ACTL8: variants seen among roughly 807,000 people sequenced by gnomAD.
ACTL8 encodes actin-like protein 8.
A neutral mutation model predicts 9.3 loss-of-function variants in ACTL8; 3 were observed. That is an observed-to-expected ratio of 0.32 (90% confidence interval 0.15 to 0.83). The LOEUF (loss-of-function observed/expected upper bound fraction) is 0.83, where lower values mean the gene tolerates loss of function less well. ACTL8 is among the 40% of genes least tolerant of loss of function. The pLI is 0.57. For synonymous variants in ACTL8, 224 were observed against 205.9 expected (o/e 1.09, Z -0.75); for missense variants, 381 against 492.2 (o/e 0.77, Z 2.14).
intron 1 of ACTL8, among the ~76,000 whole-genome samples, chr1:17,820,810 C>T (rs1250445634): frequency 2.6e-5 from 4 of 152,134 alleles, no homozygotes; most frequent in Non-Finnish European, 1.5e-5. Context: ...CTCCTGACCT[C>T]AGGTGATCTG....
intron 1 of ACTL8, among the ~76,000 whole-genome samples, chr1:17,789,725 ACT>A (rs990291654): frequency 6.6e-6 from 1 of 151,962 alleles, no homozygotes; most frequent in African/African-American, 2.4e-5. Flanking sequence ...TGAGTAATTT[ACT>A]CTAGGTCACA....
intron 1 of ACTL8, among the ~76,000 whole-genome samples, chr1:17,800,692 T>A (rs2066315681): frequency 6.7e-6 from 1 of 149,446 alleles, no homozygotes; most frequent in Non-Finnish European, 1.5e-5. Flanking sequence ...GCACCCGGGT[T>A]CAATCAATTC....
At chr1:17,806,333 T>A (rs894759444) in intron 1 of ACTL8, among the ~76,000 whole-genome samples, 4 of 152,178 alleles carry the variant, frequency 2.6e-5, no homozygotes, top group African/African-American at 9.7e-5. Context: ...AGAAGAGGCA[T>A]AATTAAAACC....
At chr1:17,787,164 A>C (rs980099489) in intron 1 of ACTL8, among the ~76,000 whole-genome samples, 1 of 152,028 alleles carries the variant, frequency 6.6e-6, no homozygotes, top group Non-Finnish European at 1.5e-5. Flanking sequence ...ATACTTTTCC[A>C]TGCTCTTATA....
At chr1:17,771,825 G>A (rs1371964449) in intron 1 of ACTL8, among the ~76,000 whole-genome samples, 1 of 152,174 alleles carries the variant, frequency 6.6e-6, no homozygotes, top group Non-Finnish European at 1.5e-5. Context: ...ACACTGAGGT[G>A]CTGGGGTCAC....
At chr1:17,802,839 G>A (rs1477338506) in intron 1 of ACTL8, among the ~76,000 whole-genome samples, 1 of 152,066 alleles carries the variant, frequency 6.6e-6, no homozygotes, top group African/African-American at 2.4e-5. Flanking sequence ...AGGAAAATTA[G>A]CTGGGCGTGG....
Position 17,825,523 on chromosome 1 carries a change from C to T in ACTL8, c.349-244C>T, listed in dbSNP as rs139959200. Among the ~76,000 whole-genome samples the T allele has an allele frequency of 1.0e-3, 155 of 152,346 alleles. 1 individual carries two copies. The highest frequency in any genetic ancestry group is 3.5e-3 in the African/African-American group (147 of 41,586). On this transcript the variant is annotated intron_variant, in intron 2 of 2. Coordinates refer to ENST00000375406, the MANE Select transcript of ACTL8 (RefSeq NM_030812.3). ...CTTGCAGCCACAGAGCTCTTCTCAC[C>T]TCTTCACCGAAGTGGTCTTCTGAAC...
chr1:17,777,312 G>A (rs957050281), intron 1 of ACTL8, among the ~76,000 whole-genome samples: 3 of 152,100 alleles, frequency 2.0e-5, no homozygotes, highest in Non-Finnish European at 4.4e-5. Flanking sequence ...TCGTAGAAAT[G>A]CTACTTCCTC....
intron 1 of ACTL8, among the ~76,000 whole-genome samples, chr1:17,782,735 A>G (rs2066165773): frequency 6.6e-6 from 1 of 152,216 alleles, no homozygotes; most frequent in Non-Finnish European, 1.5e-5. Context: ...TCTGTAGTGA[A>G]CATCCTTGGA....
intron 1 of ACTL8, among the ~76,000 whole-genome samples, chr1:17,790,981 A>G (rs1030308397): frequency 2.6e-5 from 4 of 151,360 alleles, no homozygotes; most frequent in Non-Finnish European, 5.9e-5. Context: ...TGCTAACAGC[A>G]GGGGGAAGCC....
At position 17,826,236 on chromosome 1, in the gene ACTL8, C is replaced by T. The variant is rs752371892; in HGVS notation, c.818C>T (p.Pro273Leu). ...TTCGAGCAGCCGGGGCCCAGCATCCCACGGGCCATTGTGGAATCCGTGGAG... is the reference window on the plus strand; with the variant it reads ...TTCGAGCAGCCGGGGCCCAGCATCCTACGGGCCATTGTGGAATCCGTGGAG... ...QVFEQPGPSI[P>L]RAIVESVESC... Residue 273 changes from proline (P) to leucine (L), a missense_variant, in exon 3 of 3, where the codon CCA becomes CTA. Around this residue, in one of 3 missense-constraint regions of ACTL8, gnomAD observed 243 missense variants for 276.2 expected, o/e 0.88. Coordinates refer to ENST00000375406, the MANE Select transcript of ACTL8 (RefSeq NM_030812.3). The surrounding 1 kb of genome is among the most constrained non-coding windows in gnomAD (Gnocchi z 4.5). 6.2e-7 allele frequency: 1 copy of T among 1,613,488 alleles called. No homozygotes were observed. The highest frequency in any genetic ancestry group is 1.1e-5 in the South Asian group (1 of 91,072).
chr1:17,818,196 A>G (rs1277641869), intron 1 of ACTL8, among the ~76,000 whole-genome samples: 2 of 152,206 alleles, frequency 1.3e-5, no homozygotes, highest in Non-Finnish European at 2.9e-5. Flanking sequence ...CCAGCTTTTC[A>G]GGCTAAAAAT....
At chr1:17,814,957 C>T (rs114261735) in intron 1 of ACTL8, among the ~76,000 whole-genome samples, 3,461 of 152,068 alleles carry the variant, frequency 0.023, 127 homozygotes, top group African/African-American at 0.076. Flanking sequence ...ACCAACAGTA[C>T]GTACTATTAT....
chr1:17,799,597 CCTCT>C (rs2066305822), intron 1 of ACTL8, among the ~76,000 whole-genome samples: 6 of 151,674 alleles, frequency 4.0e-5, no homozygotes, highest in Admixed American at 3.9e-4. Flanking sequence ...TTTGTTGCTT[CCTCT>C]CTTTTTTTTC....
At chr1:17,776,147 G>A (rs1337124700) in intron 1 of ACTL8, among the ~76,000 whole-genome samples, 1 of 152,202 alleles carries the variant, frequency 6.6e-6, no homozygotes, top group Non-Finnish European at 1.5e-5. Flanking sequence ...AGGGAGCCAT[G>A]GGAAGCTTTA....
intron 1 of ACTL8, among the ~76,000 whole-genome samples, chr1:17,798,276 C>T (rs1312245539): frequency 2.7e-5 from 4 of 148,810 alleles, no homozygotes; most frequent in South Asian, 4.3e-4. Flanking sequence ...CCAAGATATT[C>T]GCCCGAGGTG....
At position 17,825,980 on chromosome 1, in the gene ACTL8, C is replaced by T. The variant is rs760648218; in HGVS notation, c.562C>T (p.Leu188Phe). The change falls in exon 3 of 3, where the codon CTC becomes TTC. Residue 188 changes from leucine to phenylalanine, a missense_variant. Transcript: ENST00000375406. ...TCTCTCCGCCTATCTCCTCAAGAGT[C>T]TCTTTAAGGAAGATTGCGATAGACG... Reference protein sequence around the residue: ...QDLSAYLLKSLFKEDCDRRCL... With the variant: ...QDLSAYLLKSFFKEDCDRRCL... 2 of 1,609,520 alleles carry T rather than the reference C, an allele frequency of 1.2e-6. No homozygotes were observed. Among genetic ancestry groups the T allele is most frequent in the Non-Finnish European group, 1.7e-6 (2 of 1,179,996 alleles).
chr1:17,763,193 G>A (rs997221848), intron 1 of ACTL8, among the ~76,000 whole-genome samples: 2 of 152,106 alleles, frequency 1.3e-5, no homozygotes, highest in Admixed American at 1.3e-4. Flanking sequence ...GGCTTCTATC[G>A]TGCTGAGGGA....
At position 17,765,531 on chromosome 1, in the gene ACTL8, C is replaced by A. The variant is rs184763747; in HGVS notation, c.-25+10027C>A. On this transcript the variant is annotated intron_variant, in intron 1 of 2. Coordinates refer to ENST00000375406, the MANE Select transcript of ACTL8 (RefSeq NM_030812.3). ...ACCGAGGCCCAGGAAAGTGAGGTAACGTGCCCAAGCCCCTCTCCATGGCAG... is the reference window on the plus strand; with the variant it reads ...ACCGAGGCCCAGGAAAGTGAGGTAAAGTGCCCAAGCCCCTCTCCATGGCAG... Among the ~76,000 whole-genome samples, 348 of 152,292 alleles carry A rather than the reference C, an allele frequency of 2.3e-3. 3 individuals are homozygous for A. The highest frequency in any genetic ancestry group is 5.9e-3 in the Admixed American group (91 of 15,304).
Sources: allele counts gnomAD v4.1 joint callset (sites outside exome capture counted in the v4.1 genomes callset), GRCh38; gene constraint gnomAD v4.1.1; regional missense constraint gnomAD v4.1.1; non-coding constraint Gnocchi (gnomAD v3.1); transcripts MANE v1.5; gene names NCBI Gene and HGNC (gene_info 2026-07-23, HGNC 2026-07-21).